The following TMEM248 variants were observed in gnomAD, a reference collection of about 807,000 sequenced individuals.
TMEM248 encodes the protein transmembrane protein 248.
A neutral mutation model predicts 30.3 loss-of-function variants in TMEM248; 9 were observed. That is an observed-to-expected ratio of 0.30 (90% confidence interval 0.18 to 0.52). The LOEUF (loss-of-function observed/expected upper bound fraction) is 0.52, where lower values mean the gene tolerates loss of function less well. TMEM248 is among the 20% of genes least tolerant of loss of function. The pLI is 0.97. For synonymous variants in TMEM248, 184 were observed against 154.4 expected, an observed-to-expected ratio of 1.19 and a Z score of -1.42; for missense variants, 338 against 403.3, an observed-to-expected ratio of 0.84 and a Z score of 1.39.
intron 1 of TMEM248, among the ~76,000 whole-genome samples, chr7:66,929,908 C>A (rs554562591): frequency 6.6e-6 from 1 of 152,182 alleles, no homozygotes; most frequent in Admixed American, 6.6e-5. Flanking sequence ...CGTCTGTAAT[C>A]CCAGCATTTG....
intron 1 of TMEM248, among the ~76,000 whole-genome samples, chr7:66,934,294 G>A (rs1261891198): frequency 6.6e-6 from 1 of 152,034 alleles, no homozygotes; most frequent in Admixed American, 6.6e-5. Flanking sequence ...TCTGCCTCCT[G>A]GGTTCAAGTG....
At chr7:66,936,693 G>A (rs936802417) in intron 1 of TMEM248, among the ~76,000 whole-genome samples, 1 of 152,138 alleles carries the variant, frequency 6.6e-6, no homozygotes, top group Non-Finnish European at 1.5e-5. Flanking sequence ...TTGGTAGGTT[G>A]TGTGTGTATA....
Position 66,957,212 on chromosome 7 carries a change from C to T in TMEM248, c.*1690C>T, listed in dbSNP as rs931838482. On this transcript the variant is annotated 3_prime_UTR_variant, in exon 7 of 7. Coordinates refer to ENST00000341567, the MANE Select transcript of TMEM248 (RefSeq NM_017994.5). ...GACATGACCATGAGTGCTTCCTTTC[C>T]TTAACTCTAGGTTTGTAGTCTGTTT... 8.1e-6 allele frequency: 1 copy of T among 123,490 alleles called. No homozygotes were observed. Among genetic ancestry groups the T allele is most frequent in the Non-Finnish European group, 1.7e-5 (1 of 59,248 alleles). The allele number at this position is 123,490 out of a possible 1,614,324, so 7.6% of individuals were successfully genotyped here. A position where few individuals can be genotyped will look rare whatever the true frequency, so the allele number is the denominator to read the frequency against.
At chr7:66,928,901 C>T (rs1033004426) in intron 1 of TMEM248, among the ~76,000 whole-genome samples, 1 of 152,184 alleles carries the variant, frequency 6.6e-6, no homozygotes, top group Admixed American at 6.5e-5. Flanking sequence ...GATCCCTCCA[C>T]CTCAGCCTCC....
chr7:66,942,967 C>T (rs983626064), intron 2 of TMEM248, among the ~76,000 whole-genome samples: 29 of 150,700 alleles, frequency 1.9e-4, no homozygotes, highest in Admixed American at 1.8e-3. Flanking sequence ...TAATTGAGAT[C>T]GTAGCTTTCT....
At position 66,953,294 on chromosome 7, in the gene TMEM248, A is replaced by G; in HGVS notation, c.849A>G (p.Thr283=). Residue 283 remains threonine (T), a synonymous_variant, in exon 6 of 7, where the codon ACA becomes ACG. Coordinates refer to ENST00000341567, the MANE Select transcript of TMEM248 (RefSeq NM_017994.5). ...TSYFLFVMVI[T]MFCYAVIKGR... Reference sequence around the variant, plus strand: ...ACTTCCTCTTTGTGATGGTGATAACAATGTTTTGCTATGCTGTTATCAAGG... The same window carrying G: ...ACTTCCTCTTTGTGATGGTGATAACGATGTTTTGCTATGCTGTTATCAAGG... 1 of 1,614,118 alleles carries G rather than the reference A, an allele frequency of 6.2e-7. No homozygotes were observed. The highest frequency in any genetic ancestry group is 8.5e-7 in the Non-Finnish European group (1 of 1,180,020).
At chr7:66,940,239 C>T (rs1456258293) in intron 1 of TMEM248, among the ~76,000 whole-genome samples, 3 of 152,160 alleles carry the variant, frequency 2.0e-5, no homozygotes, top group Non-Finnish European at 4.4e-5. Context: ...CAAGCATGAG[C>T]CACTGCGCCC....
chr7:66,953,939 CTTTTTTT>C (rs34925648), intron 6 of TMEM248, among the ~76,000 whole-genome samples: 4 of 83,994 alleles, frequency 4.8e-5, no homozygotes, highest in South Asian at 9.0e-4. Flanking sequence ...AGATTACTTT[CTTTTTTT>C]TTTTTTTTTT....
At chr7:66,933,007 C>T (rs1016598600) in intron 1 of TMEM248, among the ~76,000 whole-genome samples, 11 of 151,760 alleles carry the variant, frequency 7.2e-5, no homozygotes, top group African/African-American at 2.4e-4. Context: ...TACAACCACG[C>T]GCCACCACAC....
chr7:66,922,768 C>T (rs539979770), intron 1 of TMEM248, among the ~76,000 whole-genome samples: 35 of 152,210 alleles, frequency 2.3e-4, no homozygotes, highest in African/African-American at 8.2e-4. Context: ...TGCAGTGGTG[C>T]GATCTCTGCT....
At chr7:66,924,859 A>T (rs931177156) in intron 1 of TMEM248, among the ~76,000 whole-genome samples, 1 of 149,864 alleles carries the variant, frequency 6.7e-6, no homozygotes, top group African/African-American at 2.5e-5. Context: ...ACAGGCACGC[A>T]CCACCACGCC....
At chr7:66,933,397 AT>A (rs1791718923) in intron 1 of TMEM248, among the ~76,000 whole-genome samples, 1 of 152,204 alleles carries the variant, frequency 6.6e-6, no homozygotes, top group Non-Finnish European at 1.5e-5. Flanking sequence ...GTCCCCTGCT[AT>A]TGTTGGATAT....
intron 1 of TMEM248, among the ~76,000 whole-genome samples, chr7:66,927,798 G>C (rs1286665886): frequency 1.3e-5 from 2 of 152,014 alleles, no homozygotes; most frequent in Non-Finnish European, 2.9e-5. Flanking sequence ...GTGAAAGTCT[G>C]TTCTACACTG....
intron 4 of TMEM248, among the ~76,000 whole-genome samples, chr7:66,950,312 C>T (rs1792227722): frequency 6.6e-6 from 1 of 152,060 alleles, no homozygotes; most frequent in Admixed American, 6.6e-5. Flanking sequence ...ATGGGAGGGA[C>T]CCAGTGGGAG....
chr7:66,955,230 T>G (rs561055960), intron 6 of TMEM248, among the ~76,000 whole-genome samples: 7 of 152,152 alleles, frequency 4.6e-5, no homozygotes, highest in Non-Finnish European at 1.0e-4. Flanking sequence ...ACCACTGCAC[T>G]CCAGCCTGGA....
intron 4 of TMEM248, among the ~76,000 whole-genome samples, chr7:66,949,203 T>C (rs1792196571): frequency 6.6e-6 from 1 of 151,748 alleles, no homozygotes; most frequent in South Asian, 2.1e-4. Context: ...ATAAAGGTTT[T>C]CAGCCAGGTG....
Position 66,956,385 on chromosome 7 carries a change from A to G in TMEM248, c.*863A>G, listed in dbSNP as rs1204030230. On this transcript the variant is annotated 3_prime_UTR_variant, in exon 7 of 7. Coordinates refer to ENST00000341567, the MANE Select transcript of TMEM248 (RefSeq NM_017994.5). ...AGGGCTTCAAAATGTAAATGGCTCTAGAGTTAGAGTGACTGTTTGCTCTTC... is the reference window on the plus strand; with the variant it reads ...AGGGCTTCAAAATGTAAATGGCTCTGGAGTTAGAGTGACTGTTTGCTCTTC... The G allele has an allele frequency of 6.6e-6, 1 of 152,190 alleles. No individual in the cohort carries two copies. Among genetic ancestry groups the G allele is most frequent in the Non-Finnish European group, 1.5e-5 (1 of 68,030 alleles). The allele number at this position is 152,190 out of a possible 1,614,324, so 9.4% of individuals were successfully genotyped here.
chr7:66,948,518 A>T (rs1177676801), intron 3 of TMEM248, 26 bp from the exon 4 acceptor site: 25 of 1,605,358 alleles, frequency 1.6e-5, no homozygotes, highest in Non-Finnish European at 2.1e-5. Flanking sequence ...TCTTGACTTT[A>T]TAAAAAAATG....
intron 1 of TMEM248, among the ~76,000 whole-genome samples, chr7:66,941,584 A>G (rs1276757299): frequency 1.3e-5 from 2 of 151,584 alleles, no homozygotes; most frequent in African/African-American, 4.8e-5. Context: ...ACACACACAC[A>G]CACACACACA....
Sources: allele counts gnomAD v4.1 joint callset (sites outside exome capture counted in the v4.1 genomes callset), GRCh38; gene constraint gnomAD v4.1.1; transcripts MANE v1.5; gene names NCBI Gene and HGNC (gene_info 2026-07-23, HGNC 2026-07-21).